Variants in SGIP1 observed in about 807,000 individuals in gnomAD.
SGIP1 encodes the protein SH3-containing GRB2-like protein 3-interacting protein 1.
In SGIP1, 38 loss-of-function variants were observed where a neutral mutation model predicts 107.5. That is an observed-to-expected ratio of 0.35 (90% CI 0.27 to 0.46). SGIP1 has a LOEUF of 0.46. Among genes scored for constraint, SGIP1 ranks in the 20% least tolerant of loss-of-function variants. The pLI is 1.00. For synonymous variants in SGIP1, 365 were observed against 366.1 expected, an observed-to-expected ratio of 1.00 and a Z score of 0.03; for missense variants, 929 against 1,019.5, an observed-to-expected ratio of 0.91 and a Z score of 1.21.
At chr1:66,675,754 G>A (rs906482089) in intron 12 of SGIP1, among the ~76,000 whole-genome samples, 1 of 151,508 alleles carries the variant, frequency 6.6e-6, no homozygotes, top group Non-Finnish European at 1.5e-5. Flanking sequence ...AGCTGGTCTC[G>A]AACTCCTGGA....
At chr1:66,632,541 GGA>G (rs2074987591) in intron 2 of SGIP1, among the ~76,000 whole-genome samples, 1 of 152,218 alleles carries the variant, frequency 6.6e-6, no homozygotes, top group African/African-American at 2.4e-5. Flanking sequence ...TCGGGAGGCT[GGA>G]GCAGAGGTTC....
chr1:66,681,952 TCCCC>T lies in SGIP1; in HGVS notation c.900_903del (p.Pro301SerfsTer26). On this transcript the variant is annotated frameshift_variant, in exon 15 of 25. Coordinates refer to ENST00000371037, the MANE Select transcript of SGIP1 (RefSeq NM_032291.4). LOFTEE classifies it high-confidence loss of function. ...GGACAGCATTTTTGGGCCAGTATTG[TCCCC>T]CAAGTCTGTTGCTGTTAATGCTGAA... 1.2e-6 allele frequency: 2 copies of T among 1,614,182 alleles called. No homozygotes were observed. The highest frequency in any genetic ancestry group is 1.7e-6 in the Non-Finnish European group (2 of 1,180,030).
intron 19 of SGIP1, 49 bp from the exon 20 acceptor site, chr1:66,729,215 A>T (rs370654771): frequency 1.4e-4 from 230 of 1,601,412 alleles, no homozygotes; most frequent in Non-Finnish European, 1.9e-4. Context: ...GATTCAGTGT[A>T]TTGACATGGA....
At chr1:66,681,268 A>G (rs1238580050) in intron 14 of SGIP1, among the ~76,000 whole-genome samples, 1 of 152,040 alleles carries the variant, frequency 6.6e-6, no homozygotes, top group Non-Finnish European at 1.5e-5. Context: ...TAATCTTTGT[A>G]CTGTGTTTCT....
At chr1:66,556,723 G>A (rs2148370055) in intron 1 of SGIP1, among the ~76,000 whole-genome samples, 1 of 151,732 alleles carries the variant, frequency 6.6e-6, no homozygotes, top group East Asian at 1.9e-4. Flanking sequence ...AAATGAGCGT[G>A]GAGATCAGAA....
At position 66,729,452 on chromosome 1, in the gene SGIP1, T is replaced by C. The variant is rs74085068; in HGVS notation, c.1898+33T>C. 204 of 1,613,562 alleles carry C rather than the reference T, an allele frequency of 1.3e-4. No individual in the cohort carries two copies. The African/African-American group carries it at 2.0e-3, about 16-fold the overall frequency. Reference sequence around the variant, plus strand: ...TGATTTTGCATAAATTTTTCAGAGATACATGTGGCTTAGTACTTTGTACTT... The same window carrying C: ...TGATTTTGCATAAATTTTTCAGAGACACATGTGGCTTAGTACTTTGTACTT... On this transcript the variant is annotated intron_variant, in intron 20 of 24. Coordinates refer to ENST00000371037, the MANE Select transcript of SGIP1 (RefSeq NM_032291.4).
intron 1 of SGIP1, among the ~76,000 whole-genome samples, chr1:66,554,932 T>C (rs1167884195): frequency 6.6e-6 from 1 of 152,166 alleles, no homozygotes; most frequent in African/African-American, 2.4e-5. Context: ...TGAGTAACCT[T>C]AGAGATGCTC....
intron 7 of SGIP1, among the ~76,000 whole-genome samples, chr1:66,658,519 T>C (rs1039209084): frequency 6.6e-6 from 1 of 152,168 alleles, no homozygotes; most frequent in African/African-American, 2.4e-5. Context: ...CAGACAACAA[T>C]TTATTTTTTA....
intron 1 of SGIP1, among the ~76,000 whole-genome samples, chr1:66,598,603 A>G (rs2065166581): frequency 6.6e-6 from 1 of 152,178 alleles, no homozygotes; most frequent in Non-Finnish European, 1.5e-5. Flanking sequence ...AAGCCTCAGA[A>G]AACTTACAAT....
intron 7 of SGIP1, among the ~76,000 whole-genome samples, chr1:66,644,361 G>C (rs991279792): frequency 3.3e-5 from 5 of 151,706 alleles, no homozygotes; most frequent in African/African-American, 9.7e-5. Context: ...AAAAAAAAGA[G>C]ATTATTTTTG....
intron 24 of SGIP1, 121 bp from the exon 25 acceptor site, chr1:66,742,952 C>A: frequency 1.1e-6 from 1 of 943,416 alleles, no homozygotes; most frequent in Non-Finnish European, 1.7e-6. Flanking sequence ...CGTATTGTAC[C>A]TCTGAAGTAT....
At position 66,743,112 on chromosome 1, in the gene SGIP1, G is replaced by A. The variant is rs566427593; in HGVS notation, c.*17G>A. 1 of 1,612,642 alleles carries A rather than the reference G, an allele frequency of 6.2e-7. No homozygotes were observed. Among genetic ancestry groups the A allele is most frequent in the Non-Finnish European group, 8.5e-7 (1 of 1,179,308 alleles). On this transcript the variant is annotated 3_prime_UTR_variant, in exon 25 of 25. Transcript: ENST00000371037. ...GATAACTAATGAAATCTTATGCAAG[G>A]ATTTGGAGGATTCATATAATGGAGA...
intron 17 of SGIP1, 185 bp from the exon 18 acceptor site, chr1:66,695,249 C>T (rs1353648685): frequency 1.0e-5 from 9 of 889,512 alleles, no homozygotes; most frequent in Non-Finnish European, 1.1e-5. Flanking sequence ...TTTCTGTTTC[C>T]TGAACTAAAA....
intron 1 of SGIP1, among the ~76,000 whole-genome samples, chr1:66,601,368 C>A (rs1460016028): frequency 2.0e-5 from 3 of 152,096 alleles, no homozygotes; most frequent in Admixed American, 2.0e-4. Context: ...CCGTCCCAAA[C>A]ACAAACAAGC....
chr1:66,662,528 G>A (rs1357097074), intron 8 of SGIP1, among the ~76,000 whole-genome samples: 2 of 152,182 alleles, frequency 1.3e-5, no homozygotes, highest in Non-Finnish European at 1.5e-5. Context: ...TAGAACTGCC[G>A]TGTCATAGAA....
At chr1:66,560,638 C>T (rs1299482478) in intron 1 of SGIP1, among the ~76,000 whole-genome samples, 3 of 151,974 alleles carry the variant, frequency 2.0e-5, no homozygotes, top group South Asian at 2.1e-4. Flanking sequence ...GACATAAATT[C>T]CTATAACAAG....
chr1:66,722,277 A>T (rs1054682372), intron 19 of SGIP1, among the ~76,000 whole-genome samples: 2 of 151,970 alleles, frequency 1.3e-5, no homozygotes, highest in African/African-American at 4.8e-5. Context: ...TATCAAAGAG[A>T]CCTTCTTTGT....
chr1:66,556,147 T>C (rs1325427898), intron 1 of SGIP1, among the ~76,000 whole-genome samples: 4 of 152,106 alleles, frequency 2.6e-5, no homozygotes, highest in Non-Finnish European at 5.9e-5. Flanking sequence ...AATATAATCA[T>C]CTTATTAGGA....
rs183372833 is a variant in SGIP1, at chr1:66,578,734, C to T, written c.10+44366C>T. Among the ~76,000 whole-genome samples the T allele has an allele frequency of 2.6e-5, 4 of 152,220 alleles. No homozygotes were observed. In the East Asian group the frequency reaches 7.7e-4, roughly 29 times the overall value. On this transcript the variant is annotated intron_variant, in intron 1 of 24. Transcript: ENST00000371037. ...TTGCCTAGACTGGAGTGCAATGGTG[C>T]AATCTCAGCTCATCACAATCTCCGC... is the stretch of plus-strand genomic sequence containing the variant.
Sources: allele counts gnomAD v4.1 joint callset (sites outside exome capture counted in the v4.1 genomes callset), GRCh38; gene constraint gnomAD v4.1.1; transcripts MANE v1.5; gene names NCBI Gene and HGNC (gene_info 2026-07-23, HGNC 2026-07-21).